Variants in GULP1 observed in about 807,000 individuals in gnomAD.
The protein encoded by GULP1 is GULP PTB domain containing engulfment adaptor 1.
A neutral mutation model predicts 40.9 loss-of-function variants in GULP1; 19 were observed. The observed-to-expected ratio is 0.46, with a 90% confidence interval of 0.32 to 0.68. The LOEUF (loss-of-function observed/expected upper bound fraction) is 0.68. Ranked by LOEUF, GULP1 falls within the 30% of genes least tolerant of loss-of-function variation. GULP1 has a pLI of 0.03. For missense variants in GULP1, 312 were observed against 362.2 expected, an observed-to-expected ratio of 0.86 and a Z score of 1.12; for synonymous variants, 119 against 117.6, an observed-to-expected ratio of 1.01 and a Z score of -0.08.
At chr2:188,378,197 A>G (rs1428975227) in intron 1 of GULP1, among the ~76,000 whole-genome samples, 1 of 152,000 alleles carries the variant, frequency 6.6e-6, no homozygotes, top group Non-Finnish European at 1.5e-5. Flanking sequence ...TCAGGCTTAT[A>G]ACACTTTCCA....
At chr2:188,414,216 CAAAA>C (rs774779119) in intron 2 of GULP1, among the ~76,000 whole-genome samples, 3 of 44,682 alleles carry the variant, frequency 6.7e-5, no homozygotes, top group African/African-American at 9.1e-5. Context: ...GACTCCATCT[CAAAA>C]AAAAAAAAAA....
chr2:188,505,637 T>C (rs2063830364), intron 4 of GULP1, among the ~76,000 whole-genome samples: 1 of 151,790 alleles, frequency 6.6e-6, no homozygotes, highest in South Asian at 2.1e-4. Flanking sequence ...CCTTGGTCCA[T>C]TCAGTGAAGA....
chr2:188,462,657 T>A (rs1312031068), intron 2 of GULP1, among the ~76,000 whole-genome samples: 1 of 152,192 alleles, frequency 6.6e-6, no homozygotes, highest in Non-Finnish European at 1.5e-5. Context: ...AACCTCTTCA[T>A]TATTATATAG....
chr2:188,491,873 G>T (rs1350712096), intron 4 of GULP1, among the ~76,000 whole-genome samples: 1 of 152,038 alleles, frequency 6.6e-6, no homozygotes, highest in East Asian at 1.9e-4. Context: ...TTCATTTCCA[G>T]AGCTGTTATG....
intron 1 of GULP1, among the ~76,000 whole-genome samples, chr2:188,314,348 A>T (rs1041830389): frequency 2.6e-5 from 4 of 151,942 alleles, no homozygotes; most frequent in Non-Finnish European, 4.4e-5. Flanking sequence ...TCCTGTGCAA[A>T]TTTTTTCTTT....
intron 2 of GULP1, among the ~76,000 whole-genome samples, chr2:188,395,366 A>T (rs1389232118): frequency 3.3e-5 from 5 of 152,174 alleles, no homozygotes; most frequent in African/African-American, 1.2e-4. Flanking sequence ...ACCTGTGGGG[A>T]TATAATCCCC....
chr2:188,479,554 A>G (rs1227860551), intron 3 of GULP1, among the ~76,000 whole-genome samples: 1 of 152,182 alleles, frequency 6.6e-6, no homozygotes, highest in Admixed American at 6.6e-5. Flanking sequence ...TTGGGATTAT[A>G]GGCGGGAGCC....
intron 5 of GULP1, among the ~76,000 whole-genome samples, chr2:188,528,226 C>T (rs1010209346): frequency 3.9e-5 from 6 of 151,958 alleles, no homozygotes; most frequent in African/African-American, 1.4e-4. Flanking sequence ...CATGGGCTAA[C>T]GTGTATACTA....
chr2:188,562,039 T>A (rs375546802), intron 7 of GULP1, among the ~76,000 whole-genome samples: 1 of 152,262 alleles, frequency 6.6e-6, no homozygotes, highest in East Asian at 1.9e-4. Context: ...CATGTCCTAG[T>A]CCCAGCAGCA....
intron 1 of GULP1, among the ~76,000 whole-genome samples, chr2:188,353,482 G>C (rs2044799223): frequency 6.6e-6 from 1 of 152,120 alleles, no homozygotes; most frequent in East Asian, 1.9e-4. Context: ...GGCCTGAGCT[G>C]AAGCTACACA....
At chr2:188,538,579 G>A (rs190532431) in intron 6 of GULP1, among the ~76,000 whole-genome samples, 28 of 152,018 alleles carry the variant, frequency 1.8e-4, no homozygotes, top group African/African-American at 6.7e-4. Flanking sequence ...TTTCTTGAAT[G>A]CATTAAAAAT....
chr2:188,493,837 C>T (rs889873041), intron 4 of GULP1, among the ~76,000 whole-genome samples: 3 of 151,988 alleles, frequency 2.0e-5, no homozygotes, highest in African/African-American at 7.2e-5. Flanking sequence ...TTGATAAACT[C>T]TCCTTCAGTT....
chr2:188,340,340 A>C (rs1459343403), intron 1 of GULP1, among the ~76,000 whole-genome samples: 3 of 152,170 alleles, frequency 2.0e-5, no homozygotes, highest in Non-Finnish European at 4.4e-5. Flanking sequence ...TGAGACAGGA[A>C]ATTTTTCTTG....
chr2:188,402,860 A>T (rs1294032307), intron 2 of GULP1, among the ~76,000 whole-genome samples: 1 of 152,154 alleles, frequency 6.6e-6, no homozygotes, highest in African/African-American at 2.4e-5. Flanking sequence ...GCACTGTCCT[A>T]AGCTGTCTGC....
At chr2:188,490,766 C>A (rs1331522987) in intron 4 of GULP1, among the ~76,000 whole-genome samples, 1 of 152,016 alleles carries the variant, frequency 6.6e-6, no homozygotes, top group African/African-American at 2.4e-5. Context: ...TCATTTATTT[C>A]ATATTTCTGC....
chr2:188,496,937 T>A (rs1166251715), intron 4 of GULP1, among the ~76,000 whole-genome samples: 1 of 151,982 alleles, frequency 6.6e-6, no homozygotes, highest in East Asian at 1.9e-4. Flanking sequence ...ATGTTCCTGC[T>A]TCCCTTTCGC....
chr2:188,495,337 C>G (rs568428228), intron 4 of GULP1, among the ~76,000 whole-genome samples: 2 of 152,182 alleles, frequency 1.3e-5, no homozygotes, highest in East Asian at 3.9e-4. Flanking sequence ...ACCCCATCAC[C>G]CTACTTTACC....
chr2:188,391,238 G>A (rs1253838160), intron 2 of GULP1, among the ~76,000 whole-genome samples: 4 of 152,068 alleles, frequency 2.6e-5, no homozygotes, highest in African/African-American at 9.7e-5. Context: ...CAATCCATGA[G>A]CATGGAATGT....
chr2:188,322,494 A>G (rs1390401017), intron 1 of GULP1, among the ~76,000 whole-genome samples: 1 of 152,166 alleles, frequency 6.6e-6, no homozygotes, highest in African/African-American at 2.4e-5. Flanking sequence ...AAAATAGTTT[A>G]TAACGTGGCT....
Sources: gnomAD v4.1 joint callset for allele counts (sites outside exome capture counted in the v4.1 genomes callset) on GRCh38, gnomAD v4.1.1 for gene constraint, MANE v1.5 for transcripts, NCBI Gene and HGNC (gene_info 2026-07-23, HGNC 2026-07-21) for gene names.